The following KHDRBS2 variants were observed in gnomAD, a reference collection of about 807,000 sequenced individuals.
The protein encoded by KHDRBS2 is KH RNA binding domain containing, signal transduction associated 2.
Under a neutral mutation model 44.3 loss-of-function variants are expected in KHDRBS2, and 26 were observed. The ratio of observed to expected loss-of-function variants is 0.59; its 90% CI spans 0.43 to 0.81. The LOEUF is 0.81. Ranked by LOEUF, KHDRBS2 falls within the 40% of genes least tolerant of loss-of-function variation. KHDRBS2 has a pLI of 0.00. For missense variants in KHDRBS2, 476 were observed against 433.1 expected, an observed-to-expected ratio of 1.10 and a Z score of -0.88; for synonymous variants, 194 against 151.1, an observed-to-expected ratio of 1.28 and a Z score of -2.08.
At position 61,957,171 on chromosome 6, in the gene KHDRBS2, T is replaced by C. The variant is rs149160368; in HGVS notation, c.483+20895A>G. ...TGGTTTCCTATGCCTGTCCTTACTT[T>C]AATCTCTTAATCCTGTCATCTTTGT... is the stretch of plus-strand genomic sequence containing the variant. On this transcript the variant is annotated intron_variant, in intron 4 of 8. Coordinates refer to ENST00000281156, the MANE Select transcript of KHDRBS2 (RefSeq NM_152688.4). 7.0e-3 allele frequency among the ~76,000 whole-genome samples: 1,064 copies of C among 152,290 alleles called. 19 individuals carry two copies. The highest frequency in any genetic ancestry group is 0.023 in the African/African-American group (948 of 41,560).
intron 6 of KHDRBS2, among the ~76,000 whole-genome samples, chr6:61,833,133 A>C (rs567501623): frequency 6.6e-6 from 1 of 152,338 alleles, no homozygotes; most frequent in Non-Finnish European, 1.5e-5. Flanking sequence ...TTACCAGAAT[A>C]GGTGCTTAAA....
chr6:61,583,607 A>C, the KHDRBS2 span, among the ~76,000 whole-genome samples: 1 of 151,686 alleles, frequency 6.6e-6, no homozygotes, highest in Non-Finnish European at 1.5e-5. Flanking sequence ...TTACTTGACT[A>C]TTGTAGGTTT....
intron 4 of KHDRBS2, among the ~76,000 whole-genome samples, chr6:61,936,456 A>C (rs973951056): frequency 6.6e-6 from 1 of 151,992 alleles, no homozygotes; most frequent in African/African-American, 2.4e-5. Context: ...GTTATCCTGT[A>C]TCTCCCTCTA....
At chr6:61,852,350 G>A (rs1795556123) in intron 6 of KHDRBS2, among the ~76,000 whole-genome samples, 1 of 152,096 alleles carries the variant, frequency 6.6e-6, no homozygotes, top group African/African-American at 2.4e-5. Context: ...CAGATTACAA[G>A]GTGAAGAGAT....
chr6:62,230,839 A>AT (rs1260022356), intron 1 of KHDRBS2, among the ~76,000 whole-genome samples: 1 of 152,118 alleles, frequency 6.6e-6, no homozygotes, highest in Non-Finnish European at 1.5e-5. Context: ...TTATTACTTT[A>AT]TTTTTTACTT....
At chr6:61,654,593 T>A in the KHDRBS2 span, among the ~76,000 whole-genome samples, 1 of 151,314 alleles carries the variant, frequency 6.6e-6, no homozygotes, top group African/African-American at 2.4e-5. Flanking sequence ...ATGCAGGGGC[T>A]TAGTTACAGC....
intron 2 of KHDRBS2, among the ~76,000 whole-genome samples, chr6:62,118,242 C>T (rs932763213): frequency 1.3e-5 from 2 of 152,092 alleles, no homozygotes; most frequent in African/African-American, 4.8e-5. Flanking sequence ...CTATTCTGTT[C>T]CATTGTTCTA....
intron 1 of KHDRBS2, among the ~76,000 whole-genome samples, chr6:62,241,841 T>C (rs754874785): frequency 5.3e-5 from 8 of 151,534 alleles, no homozygotes; most frequent in Non-Finnish European, 1.0e-4. Context: ...AGGTATTATA[T>C]ATATGCATAT....
intron 4 of KHDRBS2, among the ~76,000 whole-genome samples, chr6:61,902,587 G>A (rs1400533437): frequency 6.6e-6 from 1 of 151,970 alleles, no homozygotes; most frequent in Non-Finnish European, 1.5e-5. Context: ...TGTGCCAAAT[G>A]GCCAATCTGA....
intron 6 of KHDRBS2, among the ~76,000 whole-genome samples, chr6:61,800,859 C>T (rs992543907): frequency 1.3e-5 from 2 of 152,108 alleles, no homozygotes; most frequent in African/African-American, 2.4e-5. Flanking sequence ...GGACAGCTTC[C>T]AAACACCTAT....
At chr6:61,688,171 C>T (rs1767019297) in intron 8 of KHDRBS2, among the ~76,000 whole-genome samples, 1 of 151,758 alleles carries the variant, frequency 6.6e-6, no homozygotes, top group Non-Finnish European at 1.5e-5. Flanking sequence ...TGGTTCTTAA[C>T]ATTTTTAAAT....
rs116140639 is a variant in KHDRBS2, at chr6:61,685,298, C to T, written c.953-4238G>A. On this transcript the variant is annotated intron_variant, in intron 8 of 8. Coordinates refer to ENST00000281156, the MANE Select transcript of KHDRBS2 (RefSeq NM_152688.4). ...TGTTAATTATTTTGTATTATCTGGC[C>T]TTGTTTCTAAACTGGACTCTAAGAT... 7.1e-3 allele frequency among the ~76,000 whole-genome samples: 1,073 copies of T among 151,842 alleles called. 5 individuals are homozygous for T. The highest frequency in any genetic ancestry group is 0.013 in the Non-Finnish European group (875 of 67,836).
At chr6:62,075,895 A>ATC (rs3884304) in intron 2 of KHDRBS2, among the ~76,000 whole-genome samples, 149 of 147,678 alleles carry the variant, frequency 1.0e-3, no homozygotes, top group African/African-American at 2.8e-3. Flanking sequence ...ATCTCTCCCT[A>ATC]TCTCTCTCTC....
At chr6:62,075,532 G>A (rs1796155550) in intron 2 of KHDRBS2, among the ~76,000 whole-genome samples, 1 of 151,902 alleles carries the variant, frequency 6.6e-6, no homozygotes, top group Non-Finnish European at 1.5e-5. Context: ...AACCAAGTGG[G>A]AAGATGTACA....
intron 1 of KHDRBS2, among the ~76,000 whole-genome samples, chr6:62,284,610 C>T (rs760891180): frequency 2.2e-4 from 33 of 152,068 alleles, no homozygotes; most frequent in Admixed American, 9.2e-4. Context: ...CACCTTCCCA[C>T]TTATCTATAA....
chr6:62,140,702 T>G (rs1288211765), intron 2 of KHDRBS2, among the ~76,000 whole-genome samples: 1 of 152,194 alleles, frequency 6.6e-6, no homozygotes, highest in East Asian at 1.9e-4. Flanking sequence ...TTATTGAGTG[T>G]TACATGCGTG....
chr6:61,829,892 G>A (rs1791521911), intron 6 of KHDRBS2, among the ~76,000 whole-genome samples: 1 of 152,086 alleles, frequency 6.6e-6, no homozygotes, highest in South Asian at 2.1e-4. Context: ...CAACTGCAAA[G>A]CAACATGCAG....
intron 7 of KHDRBS2, among the ~76,000 whole-genome samples, chr6:61,722,671 T>A (rs1772847065): frequency 6.6e-6 from 1 of 152,026 alleles, no homozygotes; most frequent in South Asian, 2.1e-4. Context: ...ATAATATTAA[T>A]ATTGTTTGTA....
the KHDRBS2 span, among the ~76,000 whole-genome samples, chr6:61,599,128 G>T: frequency 1.3e-5 from 2 of 151,930 alleles, no homozygotes; most frequent in East Asian, 3.9e-4. Flanking sequence ...TAGAGACGAG[G>T]TTTCACCATG....
Sources: gnomAD v4.1 joint callset for allele counts (sites outside exome capture counted in the v4.1 genomes callset) on GRCh38, gnomAD v4.1.1 for gene constraint, MANE v1.5 for transcripts, NCBI Gene and HGNC (gene_info 2026-07-23, HGNC 2026-07-21) for gene names.